KMT2D: variants seen among roughly 807,000 people sequenced by gnomAD.
KMT2D encodes histone-lysine N-methyltransferase 2D.
A neutral mutation model predicts 512.7 loss-of-function variants in KMT2D; 55 were observed. The observed-to-expected ratio is 0.11, with a 90% CI of 0.09 to 0.13. KMT2D has a LOEUF of 0.13. Among genes scored for constraint, KMT2D ranks in the 10% least tolerant of loss-of-function variants. The probability of loss-of-function intolerance (pLI) is 1.00; values close to 1 mark genes in which losing one functional copy is unlikely to be tolerated. For synonymous variants in KMT2D, 2,995 were observed against 2,904.0 expected, an observed-to-expected ratio of 1.03 and a Z score of -1.01; for missense variants, 6,061 against 7,127.9, an observed-to-expected ratio of 0.85 and a Z score of 5.39.
chr12:49,032,653 T>C lies in KMT2D; in HGVS notation c.12052A>G (p.Thr4018Ala), dbSNP rs750818792. ...TGTTCCTTGCCCGTCAGGAGGAGGG[T>C]TGGACCCAGGGCTCCAGGGCTAGAA... ...HFSSPGALGPTLLLTGKEQNT... is the reference protein window; with the variant it reads ...HFSSPGALGPALLLTGKEQNT... The change falls in exon 40 of 55, where the codon ACC (threonine) becomes GCC (alanine). Residue 4018 changes from threonine (T) to alanine (A), a missense_variant. Coordinates refer to ENST00000301067, the MANE Select transcript of KMT2D (RefSeq NM_003482.4). 1 of 1,613,854 alleles carries C rather than the reference T, an allele frequency of 6.2e-7. No individual in the cohort carries two copies. The highest frequency in any genetic ancestry group is 1.1e-5 in the South Asian group (1 of 91,062).
In KMT2D at chr12:49,021,572, C is replaced by T. The variant is rs1942329617; in HGVS notation, c.*208G>A. 4 of 558,210 alleles carry T rather than the reference C, an allele frequency of 7.2e-6. No individual in the cohort carries two copies. The highest frequency in any genetic ancestry group is 4.7e-4 in the Middle Eastern group (1 of 2,120). The allele number at this position is 558,210 out of a possible 1,614,324, so 34.6% of individuals were successfully genotyped here. ...GGGGCAGAGATGCCAGCCTGAGGGC[C>T]GGTGGTGGGGAAGAGGATTGTCCCT... On this transcript the variant is annotated 3_prime_UTR_variant, in exon 55 of 55. Coordinates refer to ENST00000301067, the MANE Select transcript of KMT2D (RefSeq NM_003482.4).
rs2120489188 is a variant in KMT2D, at chr12:49,038,014, C to T, written c.9342G>A (p.Val3114=). Residue 3114 remains valine (V), a synonymous_variant, in exon 35 of 55, where the codon GTG becomes GTA. Transcript: ENST00000301067. The surrounding 1 kb of genome is among the most constrained non-coding windows in gnomAD (Gnocchi z 5.7). ...CCACCTTGGGCTTCACCTCAGGGAG[C>T]ACAGATGCCAGGCGGGGTTCAGAGG... The part of the protein sequence containing the change: ...ADASEPRLAS[V]LPEVKPKVEE... 1 of 1,607,222 alleles carries T rather than the reference C, an allele frequency of 6.2e-7. No homozygotes were observed. Among genetic ancestry groups the T allele is most frequent in the East Asian group, 2.2e-5 (1 of 44,634 alleles).
rs1453738854 is a variant in KMT2D at position 49,051,187 on chromosome 12, G to T, written c.2496C>A (p.His832Gln). 3 of 1,510,972 alleles carry T rather than the reference G, an allele frequency of 2.0e-6. No individual in the cohort carries two copies. The highest frequency in any genetic ancestry group is 1.4e-5 in the African/African-American group (1 of 71,098). The allele number at this position is 1,510,972 out of a possible 1,614,324, so 93.6% of individuals were successfully genotyped here. A position where few individuals can be genotyped will look rare whatever the true frequency, so the allele number is the denominator to read the frequency against. ...ATGGCTCCTCAGACTGGGGGGACAG[G>T]TGTGATTCCTCAGGTTGGGGGGACA... ...PCLSPQPEESHLSPQSEEPCL... is the reference protein window; with the variant it reads ...PCLSPQPEESQLSPQSEEPCL... The change falls in exon 11 of 55, where the codon CAC becomes CAA. Residue 832 changes from histidine (H) to glutamine (Q), a missense_variant. Physicochemically the swap from His to Gln is conservative, Grantham distance 24. This residue lies in a region of KMT2D where 848 missense variants were observed against 838.5 expected (regional missense o/e 1.01). Coordinates refer to ENST00000301067, the MANE Select transcript of KMT2D (RefSeq NM_003482.4).
intron 43 of KMT2D, 24 bp from the exon 44 acceptor site, chr12:49,029,500 A>T: frequency 6.5e-7 from 1 of 1,543,278 alleles, no homozygotes; most frequent in Non-Finnish European, 8.8e-7. Context: ...AGGGAGAAGA[A>T]AAGTCAGGTG....
At position 49,044,256 on chromosome 12, in the gene KMT2D, T is replaced by C. The variant is rs748193878; in HGVS notation, c.5132A>G (p.Lys1711Arg). ...VRQRKSHTRT[K>R]KGPAAQAEVL... ...CTCCGCCTGTGCAGCAGGCCCCTTTTTCGTGCGTGTGTGGGATTTCCGCTG... is the reference window on the plus strand; with the variant it reads ...CTCCGCCTGTGCAGCAGGCCCCTTTCTCGTGCGTGTGTGGGATTTCCGCTG... The change falls in exon 22 of 55, where the codon AAA (lysine) becomes AGA (arginine). Residue 1711 changes from lysine to arginine, a missense_variant. Physicochemically the swap from Lys to Arg is conservative, Grantham distance 26 (BLOSUM62 2). Transcript: ENST00000301067. This position sits in a 1 kb window ranked among gnomAD's most constrained non-coding sequence, Gnocchi z 6.4. 8 of 1,613,040 alleles carry C rather than the reference T, an allele frequency of 5.0e-6. No homozygotes were observed. The highest frequency in any genetic ancestry group is 1.1e-5 in the South Asian group (1 of 91,018).
rs369225553 is a variant in KMT2D at position 49,042,691 on chromosome 12, G to A, written c.5783-46C>T. On this transcript the variant is annotated intron_variant, in intron 27 of 54. Transcript: ENST00000301067. This position sits in a 1 kb window ranked among gnomAD's most constrained non-coding sequence, Gnocchi z 4.4. Reference sequence around the variant, plus strand: ...GAGAAAAGAGCAACTGGCCCATCCTGGAGGCAAGCTTGGTTATGTCAGTCT... The same window carrying A: ...GAGAAAAGAGCAACTGGCCCATCCTAGAGGCAAGCTTGGTTATGTCAGTCT... 3.7e-5 allele frequency: 60 copies of A among 1,609,028 alleles called. No homozygotes were observed. Among genetic ancestry groups the A allele is most frequent in the Non-Finnish European group, 4.8e-5 (57 of 1,176,596 alleles).
At position 49,039,630 on chromosome 12, in the gene KMT2D, A is replaced by G; in HGVS notation, c.8047-13T>C. 2 of 1,605,688 alleles carry G rather than the reference A, an allele frequency of 1.2e-6. No individual in the cohort carries two copies. Among genetic ancestry groups the G allele is most frequent in the Non-Finnish European group, 1.7e-6 (2 of 1,178,068 alleles). ...GTAGTCGCTGGCGCTATGCAAAAAA[A>G]AGAGAAGAGGAATAAGCCCATTCTA... is the stretch of plus-strand genomic sequence containing the variant. On this transcript the variant is annotated splice_polypyrimidine_tract_variant and intron_variant, in intron 32 of 54. Transcript: ENST00000301067. This position sits in a 1 kb window ranked among gnomAD's most constrained non-coding sequence, Gnocchi z 5.0.
Position 49,024,628 on chromosome 12 carries a change from G to A in KMT2D, c.16002C>T (p.Asn5334=). The A allele has an allele frequency of 6.2e-7, 1 of 1,613,946 alleles. No individual in the cohort carries two copies. Among genetic ancestry groups the A allele is most frequent in the Non-Finnish European group, 8.5e-7 (1 of 1,179,860 alleles). The stretch of plus-strand genomic sequence containing the variant: ...GCTCTGATCGGGCACAGCCAGTGGG[G>A]TTGATCATGAGTGGCAGCTCCATAA... ...HPLMELPLMI[N]PTGCARSEPK... is the part of the protein sequence containing the mutation. The change falls in exon 51 of 55, where the codon AAC becomes AAT. Residue 5334 remains asparagine, a synonymous_variant. Transcript: ENST00000301067. This position sits in a 1 kb window ranked among gnomAD's most constrained non-coding sequence, Gnocchi z 4.5.
Position 49,039,518 on chromosome 12 carries a change from G to C in KMT2D, c.8146C>G (p.Pro2716Ala). 1 of 1,612,254 alleles carries C rather than the reference G, an allele frequency of 6.2e-7. No homozygotes were observed. The highest frequency in any genetic ancestry group is 8.5e-7 in the Non-Finnish European group (1 of 1,179,340). ...TAAAAAGAVG[P>A]PGSWGAEPSS... ...GGCTCAGCACCCCAGCTGCCTGGAG[G>C]CCCCACTGCTCCTGCAGCTGCTGCA... Residue 2716 changes from proline to alanine, a missense_variant, in exon 33 of 55, where the codon CCT becomes GCT. By Grantham distance (27) the Pro-to-Ala change is conservative (BLOSUM62 -1). This residue lies in a region of KMT2D where 527 missense variants were observed against 578.9 expected (regional missense o/e 0.91). Transcript: ENST00000301067. The surrounding 1 kb of genome is among the most constrained non-coding windows in gnomAD (Gnocchi z 5.0).
At position 49,042,195 on chromosome 12, in the gene KMT2D, C is replaced by T. The variant is rs762137494; in HGVS notation, c.6003G>A (p.Arg2001=). Residue 2001 remains arginine, a synonymous_variant, in exon 29 of 55, where the codon CGG becomes CGA. Transcript: ENST00000301067. This position sits in a 1 kb window ranked among gnomAD's most constrained non-coding sequence, Gnocchi z 4.4. ...GEGDGLSYNQ[R]SLQRWEKDEE... is the part of the protein sequence containing the mutation. ...CATCCTTCTCCCAGCGCTGAAGACT[C>T]CGCTGGTTATAGGAGAGTCCGTCGC... The T allele has an allele frequency of 6.2e-7, 1 of 1,609,812 alleles. No homozygotes were observed. Among genetic ancestry groups the T allele is most frequent in the East Asian group, 2.2e-5 (1 of 44,780 alleles).
rs1427768999 is a variant in KMT2D, at chr12:49,050,789, A to T, written c.2799T>A (p.Asp933Glu). 1 of 1,597,466 alleles carries T rather than the reference A, an allele frequency of 6.3e-7. No homozygotes were observed. Among genetic ancestry groups the T allele is most frequent in the Non-Finnish European group, 8.6e-7 (1 of 1,169,416 alleles). ...TGGGTGAGAGTGGAGGAGGAAGGGG[A>T]TCTGGAAGGAAAGAGAAAAAAGAAG... Reference protein sequence around the residue: ...PSLSPQLMPPDPLPPPLSPII... With the variant: ...PSLSPQLMPPEPLPPPLSPII... The change falls in exon 12 of 55, where the codon GAT becomes GAA. Residue 933 changes from aspartate (D) to glutamate (E), a missense_variant and splice_region_variant. Physicochemically the swap from Asp to Glu is conservative, Grantham distance 45. Transcript: ENST00000301067.
rs2120364084 is a variant in KMT2D, at chr12:49,026,879, C to T, written c.15087G>A (p.Met5029Ile). ...CCTCATGACAGAAACAGCAGCGACG[C>T]ATGTCTCGCGGTACCTTGTCAGGTC... ...ALRPDKVPRD[M>I]RRCCFCHEEG... Residue 5029 changes from methionine (M) to isoleucine (I), a missense_variant, in exon 49 of 55, where the codon ATG becomes ATA. Around this residue, in one of 16 missense-constraint regions of KMT2D, gnomAD observed 1,600 missense variants for 1,754.9 expected, o/e 0.91. Coordinates refer to ENST00000301067, the MANE Select transcript of KMT2D (RefSeq NM_003482.4). This position sits in a 1 kb window ranked among gnomAD's most constrained non-coding sequence, Gnocchi z 9.6. 1 of 1,614,046 alleles carries T rather than the reference C, an allele frequency of 6.2e-7. No individual in the cohort carries two copies. The highest frequency in any genetic ancestry group is 8.5e-7 in the Non-Finnish European group (1 of 1,179,912).
At chr12:49,031,144 C>G in intron 40 of KMT2D, 31 bp downstream of exon 40, 1 of 1,607,572 alleles carries the variant, frequency 6.2e-7, no homozygotes, top group Non-Finnish European at 8.5e-7. Flanking sequence ...AGGACCCACT[C>G]TACCTGCTCC....
intron 13 of KMT2D, 39 bp downstream of exon 13, chr12:49,049,066 A>T: frequency 7.6e-7 from 1 of 1,309,588 alleles, no homozygotes; most frequent in South Asian, 1.2e-5. Flanking sequence ...GTGCTAAAGC[A>T]TGGTTGGGGG....
chr12:49,037,522 T>TTGCTGCTGC lies in KMT2D; in HGVS notation c.9825_9833dup (p.Gln3280_Gln3282dup). 6.4e-7 allele frequency: 1 copy of TTGCTGCTGC among 1,555,650 alleles called. No individual in the cohort carries two copies. The highest frequency in any genetic ancestry group is 1.4e-5 in the African/African-American group (1 of 73,306). On this transcript the variant is annotated inframe_insertion, in exon 35 of 55. Transcript: ENST00000301067. ...ACAGTAGGGAATGCTGCTGCTGCTG[T>TTGCTGCTGC]TGCTGCTGCTGCTGGGCAGGCTGCA...
chr12:49,039,064 G>T lies in KMT2D; in HGVS notation c.8367-75C>A. The T allele has an allele frequency of 6.6e-7, 1 of 1,520,550 alleles. No homozygotes were observed. Among genetic ancestry groups the T allele is most frequent in the Non-Finnish European group, 9.0e-7 (1 of 1,109,222 alleles). 94.2% of individuals were successfully genotyped at this position (1,520,550 alleles called of 1,614,324 possible). On this transcript the variant is annotated intron_variant, in intron 34 of 54. Coordinates refer to ENST00000301067, the MANE Select transcript of KMT2D (RefSeq NM_003482.4). This position sits in a 1 kb window ranked among gnomAD's most constrained non-coding sequence, Gnocchi z 5.0. Reference sequence around the variant, plus strand: ...AAGAACATGGGCTTAGGGCAGTGAGGAAGGATAGAATTAATGCAGTGAGGG... The same window carrying T: ...AAGAACATGGGCTTAGGGCAGTGAGTAAGGATAGAATTAATGCAGTGAGGG...
rs376218487 is a variant in KMT2D, at chr12:49,051,612, G to A, written c.2071C>T (p.Pro691Ser). The A allele has an allele frequency of 4.4e-6, 7 of 1,583,420 alleles. No individual in the cohort carries two copies. In the African/African-American group the frequency reaches 8.1e-5, roughly 18 times the overall value. The change falls in exon 11 of 55, where the codon CCA becomes TCA. Residue 691 changes from proline (P) to serine (S), a missense_variant. Pro to Ser is a moderately conservative substitution (Grantham distance 74). This residue lies in a region of KMT2D where 848 missense variants were observed against 838.5 expected (regional missense o/e 1.01). Coordinates refer to ENST00000301067, the MANE Select transcript of KMT2D (RefSeq NM_003482.4). ...SPPPEASRLS[P>S]PPEDSPTSPP... Reference sequence around the variant, plus strand: ...GATGTGGGGGAGTCCTCAGGTGGTGGGGAGAGGCGTGAAGCCTCAGGTGGA... The same window carrying A: ...GATGTGGGGGAGTCCTCAGGTGGTGAGGAGAGGCGTGAAGCCTCAGGTGGA...
rs886049463 is a variant in KMT2D, at chr12:49,020,458, T to C, written c.*1322A>G. The C allele has an allele frequency of 8.4e-5, 16 of 190,220 alleles. No homozygotes were observed. The highest frequency in any genetic ancestry group is 1.5e-4 in the Non-Finnish European group (14 of 90,772). The allele number at this position is 190,220 out of a possible 1,614,324, so 11.8% of individuals were successfully genotyped here. A position where few individuals can be genotyped will look rare whatever the true frequency, so the allele number is the denominator to read the frequency against. On this transcript the variant is annotated 3_prime_UTR_variant, in exon 55 of 55. Coordinates refer to ENST00000301067, the MANE Select transcript of KMT2D (RefSeq NM_003482.4). Reference sequence around the variant, plus strand: ...AGAATATATAAAGCACAAAAATTAGTAGTTTTACATTTGCTCTCCCCGGGG... The same window carrying C: ...AGAATATATAAAGCACAAAAATTAGCAGTTTTACATTTGCTCTCCCCGGGG...
chr12:49,021,638 C>T lies in KMT2D; in HGVS notation c.*142G>A. On this transcript the variant is annotated 3_prime_UTR_variant, in exon 55 of 55. Transcript: ENST00000301067. ...CTTGGCCTAGGGCCCTCTGCCCCAG[C>T]CTCCTGCTCCAGGGGCTCCGGGTCA... The T allele has an allele frequency of 1.5e-6, 1 of 687,740 alleles. No homozygotes were observed. The allele number at this position is 687,740 out of a possible 1,614,324, so 42.6% of individuals were successfully genotyped here.
Sources: allele counts gnomAD v4.1 joint callset, GRCh38; gene constraint gnomAD v4.1.1; regional missense constraint gnomAD v4.1.1; non-coding constraint Gnocchi (gnomAD v3.1); transcripts MANE v1.5; gene names NCBI Gene and HGNC (gene_info 2026-07-23, HGNC 2026-07-21).